Variants in ARFGEF2 observed in about 807,000 individuals in gnomAD.
ARFGEF2 encodes the protein brefeldin A-inhibited guanine nucleotide-exchange protein 2.
A neutral mutation model predicts 219.9 loss-of-function variants in ARFGEF2; 74 were observed. The ratio of observed to expected loss-of-function variants is 0.34; its 90% confidence interval spans 0.28 to 0.41. ARFGEF2 has a LOEUF of 0.41. Ranked by LOEUF, ARFGEF2 falls within the 10% of genes least tolerant of loss-of-function variation. The probability of loss-of-function intolerance (pLI) is 1.00; values close to 1 mark genes in which losing one functional copy is unlikely to be tolerated. For missense variants in ARFGEF2, 1,743 were observed against 2,218.3 expected (o/e 0.79, Z 4.30); for synonymous variants, 733 against 799.2 (o/e 0.92, Z 1.40).
At chr20:49,003,260 A>C (rs987656271) in intron 25 of ARFGEF2, among the ~76,000 whole-genome samples, 4 of 150,948 alleles carry the variant, frequency 2.6e-5, no homozygotes, top group East Asian at 2.0e-4. Flanking sequence ...GAGCCACCAC[A>C]CCCAGCCCCA....
At chr20:48,963,740 A>G in intron 6 of ARFGEF2, 90 bp from the exon 7 acceptor site, 1 of 1,318,022 alleles carries the variant, frequency 7.6e-7, no homozygotes, top group Non-Finnish European at 1.1e-6. Context: ...GCCTTCTGAA[A>G]TGTAACTCCC....
At chr20:49,001,475 G>A (rs1429388627) in intron 25 of ARFGEF2, among the ~76,000 whole-genome samples, 1 of 152,198 alleles carries the variant, frequency 6.6e-6, no homozygotes, top group Non-Finnish European at 1.5e-5. Context: ...CCCTCAGGTT[G>A]CTGGCAGAGT....
rs758951822 is a variant in ARFGEF2 at position 49,025,383 on chromosome 20, A to T, written c.4826A>T (p.Gln1609Leu). The change falls in exon 36 of 39, where the codon CAG becomes CTG. Residue 1609 changes from glutamine (Q) to leucine (L), a missense_variant. Around this residue, in one of 5 missense-constraint regions of ARFGEF2, gnomAD observed 578 missense variants for 664.0 expected, o/e 0.87. Transcript: ENST00000371917. ...DQGMYKYMSS[Q>L]HLFKLLDCLQ... ...GGCATGTATAAGTACATGTCTTCCC[A>T]GCACCTCTTCAAGCTGTTGGACTGT... The T allele has an allele frequency of 1.1e-5, 18 of 1,614,128 alleles. No homozygotes were observed. Among genetic ancestry groups the T allele is most frequent in the Non-Finnish European group, 1.4e-5 (16 of 1,180,006 alleles).
At chr20:49,023,587 G>A (rs1367543118) in intron 35 of ARFGEF2, among the ~76,000 whole-genome samples, 1 of 147,772 alleles carries the variant, frequency 6.8e-6, no homozygotes, top group African/African-American at 2.5e-5. Context: ...CGCCCAGGCT[G>A]GAGTGCAGTG....
rs2091666865 is a variant in ARFGEF2 at position 49,036,519 on chromosome 20, T to C, written c.*3320T>C. The C allele has an allele frequency of 3.2e-6, 1 of 317,266 alleles. No individual in the cohort carries two copies. 19.7% of individuals were successfully genotyped at this position (317,266 alleles called of 1,614,324 possible). A position where few individuals can be genotyped will look rare whatever the true frequency, so the allele number is the denominator to read the frequency against. Reference sequence around the variant, plus strand: ...AATGATTAAGTGCATTTAATATTGGTAATTTAATGAAAACCATTCCTTGCC... The same window carrying C: ...AATGATTAAGTGCATTTAATATTGGCAATTTAATGAAAACCATTCCTTGCC... On this transcript the variant is annotated 3_prime_UTR_variant, in exon 39 of 39. Transcript: ENST00000371917.
chr20:49,034,008 C>T lies in ARFGEF2; in HGVS notation c.*809C>T, dbSNP rs2091652391. 1 of 152,176 alleles carries T rather than the reference C, an allele frequency of 6.6e-6. No homozygotes were observed. Among genetic ancestry groups the T allele is most frequent in the East Asian group, 1.9e-4 (1 of 5,206 alleles). The allele number at this position is 152,176 out of a possible 1,614,324, so 9.4% of individuals were successfully genotyped here. A position where few individuals can be genotyped will look rare whatever the true frequency, so the allele number is the denominator to read the frequency against. On this transcript the variant is annotated 3_prime_UTR_variant, in exon 39 of 39. Coordinates refer to ENST00000371917, the MANE Select transcript of ARFGEF2 (RefSeq NM_006420.3). Reference sequence around the variant, plus strand: ...GTGTTAAATTAAAATTTCCAGAATACACTGTCCATCTCACACACTCTGAAA... The same window carrying T: ...GTGTTAAATTAAAATTTCCAGAATATACTGTCCATCTCACACACTCTGAAA...
rs557508235 is a variant in ARFGEF2 at position 48,936,149 on chromosome 20, C to T, written c.122-5050C>T. 3.8e-3 allele frequency among the ~76,000 whole-genome samples: 515 copies of T among 135,234 alleles called. 2 individuals carry two copies. Among genetic ancestry groups the T allele is most frequent in the African/African-American group, 0.014 (474 of 34,906 alleles). The allele number at this position is 135,234 out of a possible 152,430, so 88.7% of individuals were successfully genotyped here. On this transcript the variant is annotated intron_variant, in intron 1 of 38. Transcript: ENST00000371917. ...CTGACCCCCCCACCTCCCTCCCGGACGGGGCGGCTGGCCGGGCAGAGGGGC... is the reference window on the plus strand; with the variant it reads ...CTGACCCCCCCACCTCCCTCCCGGATGGGGCGGCTGGCCGGGCAGAGGGGC...
chr20:48,981,660 C>G (rs2091296711), intron 14 of ARFGEF2, among the ~76,000 whole-genome samples: 1 of 152,220 alleles, frequency 6.6e-6, no homozygotes, highest in African/African-American at 2.4e-5. Flanking sequence ...TCCCATATTT[C>G]TTGGAGGCTT....
intron 26 of ARFGEF2, among the ~76,000 whole-genome samples, chr20:49,008,707 G>GTTTT (rs796608906): frequency 1.4e-4 from 19 of 132,414 alleles, no homozygotes; most frequent in East Asian, 4.3e-4. Context: ...TCATGTAAAG[G>GTTTT]TTTTTTTTTT....
intron 1 of ARFGEF2, among the ~76,000 whole-genome samples, chr20:48,936,102 G>T: frequency 6.9e-6 from 1 of 143,978 alleles, no homozygotes; most frequent in South Asian, 2.2e-4. Flanking sequence ...CTCCCGGACG[G>T]GGCGGCTGGC....
At chr20:49,025,773 G>A (rs1247758265) in intron 36 of ARFGEF2, among the ~76,000 whole-genome samples, 1 of 151,874 alleles carries the variant, frequency 6.6e-6, no homozygotes, top group African/African-American at 2.4e-5. Flanking sequence ...CTTGAGGCCA[G>A]GAGTTCGAGA....
In ARFGEF2 at chr20:48,971,169, G is replaced by C. The variant is rs777757005; in HGVS notation, c.1240G>C (p.Val414Leu). The change falls in exon 10 of 39, where the codon GTG becomes CTG. Residue 414 changes from valine to leucine, a missense_variant. Transcript: ENST00000371917. ...KVVSLQLLLS[V>L]LQNAGPVFRT... ...GGTTTCCCTGCAGCTGCTCCTCTCT[G>C]TGTTGCAAAATGCTGGCCCCGTATT... 1 of 1,614,088 alleles carries C rather than the reference G, an allele frequency of 6.2e-7. No homozygotes were observed. The highest frequency in any genetic ancestry group is 8.5e-7 in the Non-Finnish European group (1 of 1,180,022).
At chr20:48,951,230 G>A (rs2091068984) in intron 3 of ARFGEF2, 93 bp from the exon 4 acceptor site, 1 of 1,476,892 alleles carries the variant, frequency 6.8e-7, no homozygotes, top group Non-Finnish European at 9.3e-7. Flanking sequence ...TGTAGGAACT[G>A]GAAGTGCCTG....
chr20:48,957,127 C>G (rs1568703387), intron 6 of ARFGEF2, among the ~76,000 whole-genome samples: 1 of 152,090 alleles, frequency 6.6e-6, no homozygotes, highest in Non-Finnish European at 1.5e-5. Context: ...TCATTTTGTT[C>G]CAGGTAGGAA....
chr20:49,029,455 A>G (rs11086276), intron 37 of ARFGEF2, among the ~76,000 whole-genome samples: 4 of 152,290 alleles, frequency 2.6e-5, no homozygotes, highest in Admixed American at 2.6e-4. Flanking sequence ...TTTTAGAAAT[A>G]GGAACCAGGA....
At position 48,964,162 on chromosome 20, in the gene ARFGEF2, T is replaced by A. The variant is rs4809736; in HGVS notation, c.907+264T>A. Among the ~76,000 whole-genome samples, 92,922 of 152,066 alleles carry A rather than the reference T, an allele frequency of 0.61. 28,430 individuals are homozygous for A. Among genetic ancestry groups the A allele is most frequent in the East Asian group, 0.66 (3,424 of 5,172 alleles). Reference sequence around the variant, plus strand: ...GGTGGCTCATGCCTGTAATCCCAGCTCTTTGGGAGGCCAAGGCGGGCGGTT... The same window carrying A: ...GGTGGCTCATGCCTGTAATCCCAGCACTTTGGGAGGCCAAGGCGGGCGGTT... On this transcript the variant is annotated intron_variant, in intron 7 of 38. Coordinates refer to ENST00000371917, the MANE Select transcript of ARFGEF2 (RefSeq NM_006420.3).
intron 23 of ARFGEF2, among the ~76,000 whole-genome samples, chr20:48,997,336 G>A (rs1382692203): frequency 1.3e-5 from 2 of 152,108 alleles, no homozygotes; most frequent in Non-Finnish European, 2.9e-5. Flanking sequence ...GCAGTGATGT[G>A]ATCTTGGCTC....
chr20:49,001,856 C>A (rs1332816630), intron 25 of ARFGEF2, among the ~76,000 whole-genome samples: 1 of 152,140 alleles, frequency 6.6e-6, no homozygotes, highest in East Asian at 1.9e-4. Context: ...TTATACATAG[C>A]ATTTTGTAAC....
intron 12 of ARFGEF2, among the ~76,000 whole-genome samples, chr20:48,974,466 A>T (rs984466296): frequency 6.6e-6 from 1 of 152,146 alleles, no homozygotes; most frequent in Non-Finnish European, 1.5e-5. Flanking sequence ...TTTTAATCAC[A>T]TAAGCAATGA....
Sources: gnomAD v4.1 joint callset for allele counts (sites outside exome capture counted in the v4.1 genomes callset) on GRCh38, gnomAD v4.1.1 for gene constraint, gnomAD v4.1.1 regional missense constraint, MANE v1.5 for transcripts, NCBI Gene and HGNC (gene_info 2026-07-23, HGNC 2026-07-21) for gene names.